The following MBD2 variants were observed in gnomAD, a reference collection of about 807,000 sequenced individuals.
The protein encoded by MBD2 is methyl-CpG binding domain protein 2, also known as methyl-CpG-binding domain protein 2.
In MBD2, 9 loss-of-function variants were observed where a neutral mutation model predicts 39.3. The ratio of observed to expected loss-of-function variants is 0.23; its 90% CI spans 0.14 to 0.40. The LOEUF is 0.40. Among genes scored for constraint, MBD2 ranks in the 10% least tolerant of loss-of-function variants. The probability of loss-of-function intolerance (pLI) is 1.00; values close to 1 mark genes in which losing one functional copy is unlikely to be tolerated. For missense variants in MBD2, 458 were observed against 532.6 expected (o/e 0.86, Z 1.38); for synonymous variants, 233 against 211.1 (o/e 1.10, Z -0.90).
chr18:54,160,425 A>T (rs942212986), intron 5 of MBD2, among the ~76,000 whole-genome samples: 8 of 152,024 alleles, frequency 5.3e-5, no homozygotes, highest in Non-Finnish European at 1.2e-4. Flanking sequence ...GGTCAGCATG[A>T]AGGAGCCAAG....
At chr18:54,218,351 T>C (rs2086579545) in intron 1 of MBD2, among the ~76,000 whole-genome samples, 1 of 152,248 alleles carries the variant, frequency 6.6e-6, no homozygotes, top group African/African-American at 2.4e-5. Context: ...ATAGCTTCAC[T>C]ACCAAATAGG....
chr18:54,170,095 CT>C (rs2086169473), intron 3 of MBD2, among the ~76,000 whole-genome samples: 1 of 152,202 alleles, frequency 6.6e-6, no homozygotes, highest in Non-Finnish European at 1.5e-5. Context: ...TGCAGAGCAT[CT>C]TTGGAGAAAC....
At chr18:54,182,507 G>T (rs2086258047) in intron 3 of MBD2, among the ~76,000 whole-genome samples, 1 of 152,210 alleles carries the variant, frequency 6.6e-6, no homozygotes, top group South Asian at 2.1e-4. Context: ...TGATTTGAAT[G>T]TAGAACAAGA....
At chr18:54,183,568 C>A (rs561894863) in intron 3 of MBD2, among the ~76,000 whole-genome samples, 1 of 152,046 alleles carries the variant, frequency 6.6e-6, no homozygotes, top group Non-Finnish European at 1.5e-5. Context: ...ATTTAAAGAC[C>A]GAAACTTGTC....
chr18:54,223,982 G>C, intron 1 of MBD2, 36 bp downstream of exon 1: 1 of 1,371,196 alleles, frequency 7.3e-7, no homozygotes, highest in Non-Finnish European at 1.0e-6. Context: ...ACCCCGGCCT[G>C]ACCCCGCCAC....
chr18:54,183,757 G>A (rs1032412670), intron 3 of MBD2, among the ~76,000 whole-genome samples: 4 of 152,246 alleles, frequency 2.6e-5, no homozygotes, highest in Non-Finnish European at 4.4e-5. Context: ...TAAAAGGGGA[G>A]CAGTGAAGTG....
chr18:54,207,354 C>G (rs181720468), intron 1 of MBD2, among the ~76,000 whole-genome samples: 16 of 152,312 alleles, frequency 1.1e-4, no homozygotes, highest in Admixed American at 9.8e-4. Context: ...AGGAAGTCTT[C>G]TGGGATTCTT....
At chr18:54,165,159 C>T (rs2086122347) in intron 4 of MBD2, among the ~76,000 whole-genome samples, 1 of 152,196 alleles carries the variant, frequency 6.6e-6, no homozygotes, top group African/African-American at 2.4e-5. Flanking sequence ...TAGCTTTTAA[C>T]ATTAATTTCC....
intron 3 of MBD2, among the ~76,000 whole-genome samples, chr18:54,168,572 C>CACAT (rs2086153390): frequency 8.7e-6 from 1 of 114,832 alleles, no homozygotes; most frequent in African/African-American, 3.8e-5. Context: ...AATGGAGATA[C>CACAT]ATATATATAT....
rs1229145732 is a variant in MBD2 at position 54,224,285 on chromosome 18, CG to C, written c.274del (p.Arg92GlyfsTer73). Reference sequence around the variant, plus strand: ...GCCACTCGGGGGACGGCCGCGGCCCCGGCCCCGGCCCCGTCCCCGTCCCCGG... The same window carrying C: ...GCCACTCGGGGGACGGCCGCGGCCCCGCCCCGGCCCCGTCCCCGTCCCCGG... ...RGRGRGRGRG[R>X]GRGRPPSGGS... is the part of the protein sequence containing the mutation. On this transcript the variant is annotated frameshift_variant, in exon 1 of 7. Transcript: ENST00000256429. LOFTEE classifies it high-confidence loss of function. The C allele has an allele frequency of 1.1e-6, 1 of 937,722 alleles. No homozygotes were observed. Among genetic ancestry groups the C allele is most frequent in the Non-Finnish European group, 1.3e-6 (1 of 788,896 alleles). 58.1% of individuals were successfully genotyped at this position (937,722 alleles called of 1,614,324 possible).
chr18:54,219,026 G>A (rs980095374), intron 1 of MBD2, among the ~76,000 whole-genome samples: 2 of 150,488 alleles, frequency 1.3e-5, no homozygotes, highest in African/African-American at 2.4e-5. Context: ...ACTACTAATA[G>A]GTGCCAAAAT....
intron 2 of MBD2, among the ~76,000 whole-genome samples, chr18:54,189,652 TTTGC>T (rs2144311579): frequency 6.6e-6 from 1 of 152,198 alleles, no homozygotes; most frequent in South Asian, 2.1e-4. Context: ...AACTTGGGGT[TTTGC>T]TTGTTTGTTT....
chr18:54,185,925 C>T (rs188040608), intron 3 of MBD2, among the ~76,000 whole-genome samples: 1 of 152,174 alleles, frequency 6.6e-6, no homozygotes, highest in African/African-American at 2.4e-5. Context: ...CCCTAATTTG[C>T]ACTTTTAAAG....
chr18:54,203,139 A>C (rs1244842260), intron 2 of MBD2: 2 of 1,608,018 alleles, frequency 1.2e-6, no homozygotes, highest in Non-Finnish European at 1.7e-6. Flanking sequence ...GAAGAGATGA[A>C]TTAGTGTTTG....
chr18:54,220,320 C>T (rs1236395963), intron 1 of MBD2, among the ~76,000 whole-genome samples: 1 of 152,034 alleles, frequency 6.6e-6, no homozygotes, highest in Non-Finnish European at 1.5e-5. Flanking sequence ...TAAACAAACA[C>T]ACTAGATGAT....
Position 54,164,992 on chromosome 18 carries a change from C to T in MBD2, c.932-292G>A, listed in dbSNP as rs190943909. Among the ~76,000 whole-genome samples, 242 of 152,294 alleles carry T rather than the reference C, an allele frequency of 1.6e-3. 1 individual carries two copies. The highest frequency in any genetic ancestry group is 5.5e-3 in the African/African-American group (228 of 41,550). On this transcript the variant is annotated intron_variant, in intron 4 of 6. Coordinates refer to ENST00000256429, the MANE Select transcript of MBD2 (RefSeq NM_003927.5). Reference sequence around the variant, plus strand: ...GCATTTTAATAATACTTTACCAGAACTTTAAAATGCATTTTCCAAGGTACT... The same window carrying T: ...GCATTTTAATAATACTTTACCAGAATTTTAAAATGCATTTTCCAAGGTACT...
rs978696834 is a variant in MBD2 at position 54,154,121 on chromosome 18, T to C, written c.*1203A>G. 3 of 152,252 alleles carry C rather than the reference T, an allele frequency of 2.0e-5. No individual in the cohort carries two copies. Among genetic ancestry groups the C allele is most frequent in the Non-Finnish European group, 2.9e-5 (2 of 68,040 alleles). 9.4% of individuals were successfully genotyped at this position (152,252 alleles called of 1,614,324 possible). A position where few individuals can be genotyped will look rare whatever the true frequency, so the allele number is the denominator to read the frequency against. On this transcript the variant is annotated 3_prime_UTR_variant, in exon 7 of 7. Transcript: ENST00000256429. The stretch of plus-strand genomic sequence containing the variant: ...ACACACCTTTTCTATAGAATGATTT[T>C]ACTTTTGCTCTGTCTCTCAAAATTT...
At chr18:54,164,269 C>T (rs904402037) in intron 5 of MBD2, among the ~76,000 whole-genome samples, 3 of 152,214 alleles carry the variant, frequency 2.0e-5, no homozygotes, top group South Asian at 2.1e-4. Context: ...TATAACTGAT[C>T]TGGTGTCTGT....
intron 3 of MBD2, chr18:54,187,881 CT>C: frequency 1.0e-6 from 1 of 985,176 alleles, no homozygotes; most frequent in Non-Finnish European, 1.2e-6. Flanking sequence ...AACTGAATTT[CT>C]TTATGTAGTT....
Sources: allele counts gnomAD v4.1 joint callset (sites outside exome capture counted in the v4.1 genomes callset), GRCh38; gene constraint gnomAD v4.1.1; transcripts MANE v1.5; gene names NCBI Gene and HGNC (gene_info 2026-07-23, HGNC 2026-07-21).